PITPNM2: variants seen among roughly 807,000 people sequenced by gnomAD.
PITPNM2 encodes the protein membrane-associated phosphatidylinositol transfer protein 2.
Under a neutral mutation model 132.2 loss-of-function variants are expected in PITPNM2, and 35 were observed. That is an observed-to-expected ratio of 0.26 (90% confidence interval 0.20 to 0.35). PITPNM2 has a LOEUF of 0.35. Among genes scored for constraint, PITPNM2 ranks in the 10% least tolerant of loss-of-function variants. PITPNM2 has a pLI of 1.00. For synonymous variants in PITPNM2, 738 were observed against 799.2 expected (o/e 0.92, Z 1.29); for missense variants, 1,332 against 1,912.0 (o/e 0.70, Z 5.66).
At chr12:123,062,991 GC>G (rs1475501095) in intron 2 of PITPNM2, among the ~76,000 whole-genome samples, 6 of 152,238 alleles carry the variant, frequency 3.9e-5, no homozygotes, top group Non-Finnish European at 8.8e-5. Context: ...ACACACGAAA[GC>G]AAATGTGCAC....
rs2136742727 is a variant in PITPNM2 at position 123,058,997 on chromosome 12, G to A, written c.-95-24312C>T. The stretch of plus-strand genomic sequence containing the variant: ...GAAGCTCAGGGCAGCACCCGCATCT[G>A]CTTCATTTCTGCATCTTCAGGGCCA... On this transcript the variant is annotated intron_variant, in intron 2 of 25. Transcript: ENST00000320201. This position sits in a 1 kb window ranked among gnomAD's most constrained non-coding sequence, Gnocchi z 4.0. 6.6e-6 allele frequency among the ~76,000 whole-genome samples: 1 copy of A among 152,308 alleles called. No homozygotes were observed. The highest frequency in any genetic ancestry group is 1.5e-5 in the Non-Finnish European group (1 of 68,020).
intron 2 of PITPNM2, among the ~76,000 whole-genome samples, chr12:123,059,372 C>T (rs993517630): frequency 6.6e-6 from 1 of 152,242 alleles, no homozygotes; most frequent in Non-Finnish European, 1.5e-5. Flanking sequence ...CAGGGAGGAA[C>T]TGCCTGGGAA....
chr12:123,054,556 T>C (rs1049416475), intron 2 of PITPNM2, among the ~76,000 whole-genome samples: 4 of 152,218 alleles, frequency 2.6e-5, no homozygotes, highest in Non-Finnish European at 2.9e-5. Flanking sequence ...TCCTCTTCCA[T>C]GCAGTCCAAG....
intron 3 of PITPNM2, among the ~76,000 whole-genome samples, chr12:123,029,306 T>C (rs1416958398): frequency 6.6e-6 from 1 of 152,188 alleles, no homozygotes; most frequent in Non-Finnish European, 1.5e-5. Flanking sequence ...ATAAAGAAAC[T>C]GGCTGTGCAT....
intron 3 of PITPNM2, among the ~76,000 whole-genome samples, chr12:123,018,911 G>C (rs2039558826): frequency 6.6e-6 from 1 of 150,586 alleles, no homozygotes; most frequent in African/African-American, 2.5e-5. Flanking sequence ...AGCTGACCAA[G>C]TAGCTGGGAT....
At chr12:123,072,365 C>T (rs951608285) in intron 2 of PITPNM2, among the ~76,000 whole-genome samples, 1 of 152,122 alleles carries the variant, frequency 6.6e-6, no homozygotes, top group African/African-American at 2.4e-5. Context: ...GCCCTCCAGC[C>T]CCTGAGCATA....
rs571286331 is a variant in PITPNM2, at chr12:123,104,466, C to CCTTAA, written c.-96+5914_-96+5918dup. Among the ~76,000 whole-genome samples, 18 of 152,346 alleles carry CCTTAA rather than the reference C, an allele frequency of 1.2e-4. No individual in the cohort carries two copies. In the South Asian group the frequency reaches 2.9e-3, roughly 25 times the overall value. On this transcript the variant is annotated intron_variant, in intron 2 of 25. Coordinates refer to ENST00000320201, the MANE Select transcript of PITPNM2 (RefSeq NM_020845.3). ...AAGAAGTATAAATGGCCGGTCCTTG[C>CCTTAA]CTTAACTGATGACATTCCACCACAA...
chr12:123,030,677 A>G (rs902038770), intron 3 of PITPNM2, among the ~76,000 whole-genome samples: 3 of 151,600 alleles, frequency 2.0e-5, no homozygotes, highest in Admixed American at 2.0e-4. Flanking sequence ...TGGGCGACAG[A>G]GCGAGACTCC....
chr12:123,017,638 A>C (rs1336973114), intron 3 of PITPNM2, among the ~76,000 whole-genome samples: 1 of 152,262 alleles, frequency 6.6e-6, no homozygotes, highest in East Asian at 1.9e-4. Context: ...AGATGAATGA[A>C]TAAAATGTGG....
At chr12:123,015,473 T>C (rs1265526233) in intron 3 of PITPNM2, among the ~76,000 whole-genome samples, 2 of 152,158 alleles carry the variant, frequency 1.3e-5, no homozygotes, top group Non-Finnish European at 2.9e-5. Context: ...AAAATGGTGC[T>C]GGGACAATTG....
intron 1 of PITPNM2, among the ~76,000 whole-genome samples, chr12:123,125,479 C>T (rs2043117873): frequency 6.6e-6 from 1 of 152,040 alleles, no homozygotes; most frequent in Non-Finnish European, 1.5e-5. Context: ...TTTAAAATTT[C>T]AATTCTAATT....
rs931773008 is a variant in PITPNM2 at position 122,986,310 on chromosome 12, T to G, written c.3767A>C (p.Lys1256Thr). Residue 1256 changes from lysine to threonine, a missense_variant, in exon 26 of 26, where the codon AAG becomes ACG. This residue lies in a region of PITPNM2 where 163 missense variants were observed against 177.2 expected (regional missense o/e 0.92). Coordinates refer to ENST00000320201, the MANE Select transcript of PITPNM2 (RefSeq NM_020845.3). Reference sequence around the variant, plus strand: ...AGCGGGCCGCGCCCGGTGGCTGTACTTCAGCTGCGCCAGGTGGGCCGCGTA... The same window carrying G: ...AGCGGGCCGCGCCCGGTGGCTGTACGTCAGCTGCGCCAGGTGGGCCGCGTA... ...DGYAAHLAQL[K>T]YSHRARPARN... 2 of 1,582,320 alleles carry G rather than the reference T, an allele frequency of 1.3e-6. No homozygotes were observed. The highest frequency in any genetic ancestry group is 3.6e-5 in the Admixed American group (2 of 55,814).
intron 2 of PITPNM2, chr12:123,089,838 A>G (rs2042211013): frequency 6.6e-6 from 1 of 152,234 alleles, no homozygotes; most frequent in Non-Finnish European, 1.5e-5. Flanking sequence ...CCTCTGTGAA[A>G]AGGCCTTGCT....
intron 14 of PITPNM2, 68 bp from the exon 15 acceptor site, chr12:122,995,047 G>T: frequency 2.1e-6 from 3 of 1,462,532 alleles, no homozygotes; most frequent in Non-Finnish European, 2.7e-6. Context: ...GACACTGCTG[G>T]TGGCAGCAGG....
chr12:122,994,951 G>A lies in PITPNM2; in HGVS notation c.2083C>T (p.Pro695Ser). The A allele has an allele frequency of 6.2e-7, 1 of 1,610,112 alleles. No homozygotes were observed. The highest frequency in any genetic ancestry group is 1.1e-5 in the South Asian group (1 of 90,718). The change falls in exon 15 of 26, where the codon CCC becomes TCC. Residue 695 changes from proline (P) to serine (S), a missense_variant. This residue lies in a region of PITPNM2 where 710 missense variants were observed against 911.5 expected (regional missense o/e 0.78). Transcript: ENST00000320201. The surrounding 1 kb of genome is among the most constrained non-coding windows in gnomAD (Gnocchi z 5.4). ...SLHASVLRTEPCSRHSSSSTM... is the reference protein window; with the variant it reads ...SLHASVLRTESCSRHSSSSTM... ...GAGCTGCTGGAATGGCGTGAGCAGG[G>A]CTCAGTCCTCAGCACGCTGGCATGG...
Position 122,992,544 on chromosome 12 carries a change from G to A in PITPNM2, c.2359C>T (p.Arg787Cys), listed in dbSNP as rs1185977187. ...TCCCCCAGCGGGTAGCGTTGGTAGC[G>A]GGGGACGCTGAAAGGCGGCAGGGCG... The part of the protein sequence containing the change: ...FHALPPFSVP[R>C]YQRYPLGDGC... The change falls in exon 16 of 26, where the codon CGC becomes TGC. Residue 787 changes from arginine (R) to cysteine (C), a missense_variant. Arg to Cys is a radical substitution (Grantham distance 180, BLOSUM62 -3). Transcript: ENST00000320201. The surrounding 1 kb of genome is among the most constrained non-coding windows in gnomAD (Gnocchi z 6.5). The A allele has an allele frequency of 5.0e-6, 8 of 1,611,412 alleles. No individual in the cohort carries two copies. The highest frequency in any genetic ancestry group is 1.1e-5 in the South Asian group (1 of 90,986).
At chr12:123,052,657 A>T (rs942183965) in intron 2 of PITPNM2, among the ~76,000 whole-genome samples, 3 of 152,154 alleles carry the variant, frequency 2.0e-5, no homozygotes, top group Non-Finnish European at 4.4e-5. Context: ...TAAAACAGCC[A>T]ATATAATAAA....
intron 2 of PITPNM2, among the ~76,000 whole-genome samples, chr12:123,093,712 A>T (rs1232825170): frequency 6.6e-6 from 1 of 152,248 alleles, no homozygotes; most frequent in Non-Finnish European, 1.5e-5. Context: ...ATGGAGCTAG[A>T]GGCCACAGAA....
At chr12:122,997,244 C>A in intron 11 of PITPNM2, 81 bp downstream of exon 11, 1 of 1,584,612 alleles carries the variant, frequency 6.3e-7, no homozygotes. Flanking sequence ...AGTCCTGAAA[C>A]TGGGGAGCCA....
Sources: gnomAD v4.1 joint callset for allele counts (sites outside exome capture counted in the v4.1 genomes callset) on GRCh38, gnomAD v4.1.1 for gene constraint, gnomAD v4.1.1 regional missense constraint, Gnocchi (gnomAD v3.1) non-coding constraint, MANE v1.5 for transcripts, NCBI Gene and HGNC (gene_info 2026-07-23, HGNC 2026-07-21) for gene names.